The following FOXP1 variants were observed in gnomAD, a reference collection of about 807,000 sequenced individuals.
The protein encoded by FOXP1 is forkhead box protein P1.
FOXP1 carries 15 observed loss-of-function variants against 98.2 expected under a neutral mutation model. The ratio of observed to expected loss-of-function variants is 0.15; its 90% CI spans 0.10 to 0.24. The LOEUF is 0.24. FOXP1 is among the 10% of genes least tolerant of loss of function. The pLI, the probability that FOXP1 is intolerant of heterozygous loss-of-function variation, is 1.00. For synonymous variants in FOXP1, 371 were observed against 314.5 expected, an observed-to-expected ratio of 1.18 and a Z score of -1.90; for missense variants, 633 against 848.5, an observed-to-expected ratio of 0.75 and a Z score of 3.15.
chr3:70,973,144 C>G (rs538967252), intron 17 of FOXP1, among the ~76,000 whole-genome samples: 1 of 152,130 alleles, frequency 6.6e-6, no homozygotes, highest in Non-Finnish European at 1.5e-5. Flanking sequence ...TTTAAAACTT[C>G]CAGAGGTCCT....
chr3:71,523,736 AAG>A (rs1278309919), intron 2 of FOXP1, among the ~76,000 whole-genome samples: 3 of 152,192 alleles, frequency 2.0e-5, no homozygotes, highest in Non-Finnish European at 4.4e-5. Context: ...AAAGTGAGAT[AAG>A]GCATGGATAC....
chr3:71,535,820 G>A (rs554291155), intron 2 of FOXP1, among the ~76,000 whole-genome samples: 19 of 152,194 alleles, frequency 1.2e-4, no homozygotes, highest in Admixed American at 9.8e-4. Context: ...GAGATATGGC[G>A]GCATCCCAGA....
intron 3 of FOXP1, among the ~76,000 whole-genome samples, chr3:71,413,100 C>T (rs144215178): frequency 6.6e-6 from 1 of 151,530 alleles, no homozygotes; most frequent in East Asian, 1.9e-4. Context: ...AACAGCCAAC[C>T]GGCTATTCAG....
At chr3:71,117,635 G>T (rs1225339686) in intron 6 of FOXP1, among the ~76,000 whole-genome samples, 1 of 152,070 alleles carries the variant, frequency 6.6e-6, no homozygotes, top group Non-Finnish European at 1.5e-5. Flanking sequence ...ATAAATGAAA[G>T]AATTTCTCTT....
chr3:71,122,504 A>T (rs2058850065), intron 6 of FOXP1, among the ~76,000 whole-genome samples: 1 of 152,232 alleles, frequency 6.6e-6, no homozygotes, highest in Non-Finnish European at 1.5e-5. Flanking sequence ...TTGTATCTGT[A>T]TAACAATTTA....
intron 6 of FOXP1, among the ~76,000 whole-genome samples, chr3:71,125,313 G>A (rs2107855940): frequency 6.6e-6 from 1 of 152,244 alleles, no homozygotes; most frequent in Admixed American, 6.5e-5. Flanking sequence ...TCCCTTCACT[G>A]TATTCAAGAA....
chr3:71,095,169 C>A (rs942945443), intron 7 of FOXP1, among the ~76,000 whole-genome samples: 1 of 152,210 alleles, frequency 6.6e-6, no homozygotes, highest in African/African-American at 2.4e-5. Flanking sequence ...TCTAAATTTT[C>A]TTTGAAATGT....
At chr3:70,985,893 G>A (rs572727617) in intron 14 of FOXP1, among the ~76,000 whole-genome samples, 5 of 152,196 alleles carry the variant, frequency 3.3e-5, no homozygotes, top group South Asian at 2.1e-4. Flanking sequence ...GCTGTGCAGC[G>A]ATATTGGACT....
chr3:71,259,942 G>C (rs2068954715), intron 5 of FOXP1, among the ~76,000 whole-genome samples: 1 of 152,082 alleles, frequency 6.6e-6, no homozygotes, highest in South Asian at 2.1e-4. Flanking sequence ...GGACATGAAG[G>C]AAGAGGTGAG....
chr3:71,111,437 G>A (rs1047300193), intron 7 of FOXP1, among the ~76,000 whole-genome samples: 2 of 151,974 alleles, frequency 1.3e-5, no homozygotes, highest in African/African-American at 4.8e-5. Context: ...CACTCTTGTC[G>A]CCCAGGCTGG....
intron 6 of FOXP1, among the ~76,000 whole-genome samples, chr3:71,145,841 T>A (rs1003083423): frequency 6.6e-6 from 1 of 152,210 alleles, no homozygotes; most frequent in Non-Finnish European, 1.5e-5. Flanking sequence ...ACTGAGTATG[T>A]TTGTTTTGTA....
intron 3 of FOXP1, among the ~76,000 whole-genome samples, chr3:71,489,341 CAAT>C (rs2090898584): frequency 6.6e-6 from 1 of 152,184 alleles, no homozygotes; most frequent in South Asian, 2.1e-4. Context: ...TAACACATAA[CAAT>C]GAATGTTGCG....
chr3:71,423,478 C>T lies in FOXP1; in HGVS notation c.-167-64234G>A, dbSNP rs183880912. Among the ~76,000 whole-genome samples, 96 of 152,348 alleles carry T rather than the reference C, an allele frequency of 6.3e-4. 2 individuals carry two copies. In the East Asian group the frequency reaches 0.013, roughly 20 times the overall value. The stretch of plus-strand genomic sequence containing the variant: ...GTCCTAAAGGCGTGTCCTCTGTCTC[C>T]CCTCGCAAACTGCTCAACTTTATAG... On this transcript the variant is annotated intron_variant, in intron 3 of 20. Coordinates refer to ENST00000649528, the MANE Select transcript of FOXP1 (RefSeq NM_001349338.3).
intron 2 of FOXP1, among the ~76,000 whole-genome samples, chr3:71,524,698 G>C (rs1276458645): frequency 6.6e-6 from 1 of 152,154 alleles, no homozygotes; most frequent in Non-Finnish European, 1.5e-5. Flanking sequence ...TTTTCAAATT[G>C]TTCATGTTCC....
Position 70,955,902 on chromosome 3 carries a change from T to C in FOXP1, c.*3345A>G, listed in dbSNP as rs1452436248. The C allele has an allele frequency of 4.3e-6, 1 of 231,634 alleles. No homozygotes were observed. The highest frequency in any genetic ancestry group is 2.2e-5 in the African/African-American group (1 of 44,628). 14.3% of individuals were successfully genotyped at this position (231,634 alleles called of 1,614,324 possible). A position where few individuals can be genotyped will look rare whatever the true frequency, so the allele number is the denominator to read the frequency against. On this transcript the variant is annotated 3_prime_UTR_variant, in exon 21 of 21. Coordinates refer to ENST00000649528, the MANE Select transcript of FOXP1 (RefSeq NM_001349338.3). ...AATCAATGAGAACAGAAAAAAGAAA[T>C]CTTCAACTATGTTACAGTTTAAAAG...
intron 3 of FOXP1, among the ~76,000 whole-genome samples, chr3:71,405,971 C>T (rs1370667373): frequency 6.6e-6 from 1 of 151,966 alleles, no homozygotes; most frequent in Non-Finnish European, 1.5e-5. Flanking sequence ...CTCAGGTAAT[C>T]CACCTGCCTC....
At chr3:71,331,604 G>A (rs2076316117) in intron 4 of FOXP1, among the ~76,000 whole-genome samples, 1 of 152,240 alleles carries the variant, frequency 6.6e-6, no homozygotes, top group Non-Finnish European at 1.5e-5. Flanking sequence ...CTAGCTAAGG[G>A]ATTGTAAATA....
chr3:71,024,647 G>A (rs1191175090), intron 11 of FOXP1, among the ~76,000 whole-genome samples: 2 of 152,076 alleles, frequency 1.3e-5, no homozygotes, highest in African/African-American at 2.4e-5. Context: ...TTAATTAGAG[G>A]ATTTCACATT....
chr3:71,126,604 G>A (rs1166812419), intron 6 of FOXP1, among the ~76,000 whole-genome samples: 6 of 151,986 alleles, frequency 3.9e-5, no homozygotes, highest in East Asian at 3.9e-4. Context: ...CAGGGAGACC[G>A]CTTGAGCCCA....
Sources: gnomAD v4.1 joint callset for allele counts (sites outside exome capture counted in the v4.1 genomes callset) on GRCh38, gnomAD v4.1.1 for gene constraint, MANE v1.5 for transcripts, NCBI Gene and HGNC (gene_info 2026-07-23, HGNC 2026-07-21) for gene names.